CDYL2: variants seen among roughly 807,000 people sequenced by gnomAD.
CDYL2 encodes chromodomain Y-like protein 2.
CDYL2 carries 23 observed loss-of-function variants against 49.4 expected under a neutral mutation model. The observed-to-expected ratio is 0.47, with a 90% confidence interval of 0.34 to 0.66. The LOEUF (loss-of-function observed/expected upper bound fraction) is 0.66. Ranked by LOEUF, CDYL2 falls within the 30% of genes least tolerant of loss-of-function variation. The pLI, the probability that CDYL2 is intolerant of heterozygous loss-of-function variation, is 0.01. For synonymous variants in CDYL2, 360 were observed against 268.8 expected, an observed-to-expected ratio of 1.34 and a Z score of -3.32; for missense variants, 678 against 656.4, an observed-to-expected ratio of 1.03 and a Z score of -0.36.
intron 6 of CDYL2, 75 bp downstream of exon 6, chr16:80,608,017 C>T: frequency 6.8e-7 from 1 of 1,465,090 alleles, no homozygotes. Flanking sequence ...CAGTGAAGCC[C>T]TCTGAGCCTT....
intron 1 of CDYL2, among the ~76,000 whole-genome samples, chr16:80,691,814 AG>A (rs1910427212): frequency 6.6e-6 from 1 of 152,196 alleles, no homozygotes. Context: ...TGAAACCAAC[AG>A]GTTGAGAAGG....
chr16:80,651,824 G>A (rs1256818363), intron 2 of CDYL2, among the ~76,000 whole-genome samples: 1 of 152,150 alleles, frequency 6.6e-6, no homozygotes, highest in East Asian at 1.9e-4. Context: ...TGGCGGTAGG[G>A]GCTAACAATT....
chr16:80,801,426 C>A (rs1016647722), intron 1 of CDYL2, among the ~76,000 whole-genome samples: 3 of 152,240 alleles, frequency 2.0e-5, no homozygotes, highest in Non-Finnish European at 4.4e-5. Flanking sequence ...TGGAGGTTCA[C>A]TCTTTACAAC....
At chr16:80,737,548 G>C (rs1267751488) in intron 1 of CDYL2, among the ~76,000 whole-genome samples, 1 of 152,178 alleles carries the variant, frequency 6.6e-6, no homozygotes, top group Non-Finnish European at 1.5e-5. Context: ...CATACCAGCT[G>C]TTGCCTGGAC....
At chr16:80,709,486 G>T (rs138988249) in intron 1 of CDYL2, among the ~76,000 whole-genome samples, 1 of 150,606 alleles carries the variant, frequency 6.6e-6, no homozygotes. Context: ...GCACAATTTC[G>T]TCCATGAGAA....
chr16:80,667,778 C>T (rs370942039), intron 2 of CDYL2, among the ~76,000 whole-genome samples: 4 of 152,158 alleles, frequency 2.6e-5, no homozygotes, highest in Admixed American at 2.0e-4. Flanking sequence ...CACAAGCCAG[C>T]GAATATGTTA....
At chr16:80,715,060 G>A (rs765975937) in intron 1 of CDYL2, among the ~76,000 whole-genome samples, 4 of 152,118 alleles carry the variant, frequency 2.6e-5, no homozygotes, top group Non-Finnish European at 5.9e-5. Flanking sequence ...GCAAGTGAGC[G>A]GACATGCCTT....
intron 2 of CDYL2, among the ~76,000 whole-genome samples, chr16:80,634,376 C>A (rs1176286049): frequency 6.6e-6 from 1 of 152,160 alleles, no homozygotes; most frequent in Non-Finnish European, 1.5e-5. Context: ...AACTATCATT[C>A]TGAGCAAACT....
At chr16:80,716,238 C>T (rs936169718) in intron 1 of CDYL2, among the ~76,000 whole-genome samples, 4 of 152,252 alleles carry the variant, frequency 2.6e-5, no homozygotes, top group African/African-American at 9.6e-5. Context: ...CTCATATATG[C>T]TATTTCCTTC....
rs892588854 is a variant in CDYL2, at chr16:80,678,721, A to G, written c.616+5817T>C. ...CAGTGTGGCGATTCCTCAGGGATCT[A>G]GAACTAGAAATACCATTTGACCTAG... is the stretch of plus-strand genomic sequence containing the variant. On this transcript the variant is annotated intron_variant, in intron 2 of 6. Coordinates refer to ENST00000570137, the MANE Select transcript of CDYL2 (RefSeq NM_152342.4). 3.5e-4 allele frequency among the ~76,000 whole-genome samples: 52 copies of G among 150,406 alleles called. 1 individual carries two copies. Among genetic ancestry groups the G allele is most frequent in the African/African-American group, 1.2e-3 (49 of 40,626 alleles).
chr16:80,803,155 T>C (rs539637971), intron 1 of CDYL2, among the ~76,000 whole-genome samples: 82 of 152,300 alleles, frequency 5.4e-4, no homozygotes, highest in African/African-American at 1.9e-3. Context: ...GTTGTCCACT[T>C]GTGGAAAACC....
chr16:80,676,081 G>T (rs1909731677), intron 2 of CDYL2, among the ~76,000 whole-genome samples: 1 of 152,164 alleles, frequency 6.6e-6, no homozygotes. Flanking sequence ...CATAGGTCAA[G>T]TTGCTCCTGG....
chr16:80,775,432 A>C (rs1466335351), intron 1 of CDYL2, among the ~76,000 whole-genome samples: 1 of 151,950 alleles, frequency 6.6e-6, no homozygotes, highest in Non-Finnish European at 1.5e-5. Flanking sequence ...AAAGTGTCTA[A>C]GGAGCTTGCC....
intron 4 of CDYL2, among the ~76,000 whole-genome samples, 193 bp downstream of exon 4, chr16:80,620,570 A>G (rs1567543392): frequency 1.3e-5 from 2 of 152,250 alleles, no homozygotes; most frequent in Non-Finnish European, 2.9e-5. Context: ...AGGATGCCCA[A>G]TTAAAATTTG....
intron 2 of CDYL2, among the ~76,000 whole-genome samples, chr16:80,682,340 G>T (rs17752649): frequency 6.6e-6 from 1 of 152,136 alleles, no homozygotes; most frequent in African/African-American, 2.4e-5. Context: ...TAGCATTTTG[G>T]AGCTAACAGG....
Position 80,677,112 on chromosome 16 carries a change from A to C in CDYL2, c.616+7426T>G, listed in dbSNP as rs572017847. Among the ~76,000 whole-genome samples the C allele has an allele frequency of 4.6e-5, 7 of 151,878 alleles. No homozygotes were observed. The East Asian group carries it at 1.2e-3, about 25-fold the overall frequency. ...CAGCTCCCTGGAAAGCTGGGACTAC[A>C]GGCATGTGCCACCACACCTGGCTAA... On this transcript the variant is annotated intron_variant, in intron 2 of 6. Transcript: ENST00000570137.
chr16:80,728,798 A>C (rs1486134492), intron 1 of CDYL2, among the ~76,000 whole-genome samples: 3 of 152,142 alleles, frequency 2.0e-5, no homozygotes, highest in African/African-American at 2.4e-5. Flanking sequence ...GCCAATATTC[A>C]ACATTCTTAA....
chr16:80,775,862 C>T lies in CDYL2; in HGVS notation c.24+28288G>A, dbSNP rs9933326. 7.7e-3 allele frequency among the ~76,000 whole-genome samples: 1,163 copies of T among 151,098 alleles called. 12 individuals are homozygous for T. The highest frequency in any genetic ancestry group is 0.027 in the African/African-American group (1,116 of 41,368). ...TATATCTATATCTTAATTATTAATA[C>T]ATATTTATTTATATAAAATAAATAT... On this transcript the variant is annotated intron_variant, in intron 1 of 6. Transcript: ENST00000570137.
intron 3 of CDYL2, chr16:80,627,932 G>A (rs1907376689): frequency 6.6e-6 from 1 of 152,172 alleles, no homozygotes; most frequent in Non-Finnish European, 1.5e-5. Context: ...CTCTAGCTTT[G>A]GATCCGGCGT....
Sources: allele counts gnomAD v4.1 joint callset (sites outside exome capture counted in the v4.1 genomes callset), GRCh38; gene constraint gnomAD v4.1.1; transcripts MANE v1.5; gene names NCBI Gene and HGNC (gene_info 2026-07-23, HGNC 2026-07-21).